Variants in GRAMD4 observed in about 807,000 individuals in gnomAD.
GRAMD4 encodes GRAM domain-containing protein 4.
In GRAMD4, 25 loss-of-function variants were observed where a neutral mutation model predicts 83.9. The ratio of observed to expected loss-of-function variants is 0.30; its 90% confidence interval spans 0.22 to 0.42. GRAMD4 has a LOEUF of 0.42. Ranked by LOEUF, GRAMD4 falls within the 10% of genes least tolerant of loss-of-function variation. The pLI is 1.00. For synonymous variants in GRAMD4, 336 were observed against 320.9 expected (o/e 1.05, Z -0.50); for missense variants, 593 against 788.7 (o/e 0.75, Z 2.97).
At chr22:46,586,752 G>A (rs1404457013) in intron 1 of GRAMD4, among the ~76,000 whole-genome samples, 1 of 152,240 alleles carries the variant, frequency 6.6e-6, no homozygotes, top group African/African-American at 2.4e-5. Flanking sequence ...GCTGGGGAAA[G>A]CGGCCCTGGG....
At chr22:46,658,806 G>A (rs12159503) in intron 4 of GRAMD4, among the ~76,000 whole-genome samples, 12,535 of 88,746 alleles carry the variant, frequency 0.14, 525 homozygotes, top group African/African-American at 0.26. Flanking sequence ...TGTGGCCCCC[G>A]CCCCCCTGCC....
chr22:46,637,775 A>C, intron 2 of GRAMD4, 65 bp from the exon 3 acceptor site: 2 of 1,573,996 alleles, frequency 1.3e-6, no homozygotes, highest in South Asian at 1.1e-5. Context: ...CTCTGGGGGA[A>C]CTGAGTGGTG....
downstream of GRAMD4, among the ~76,000 whole-genome samples, chr22:46,680,949 C>G (rs1174982104): frequency 2.8e-4 from 39 of 138,300 alleles, no homozygotes; most frequent in Non-Finnish European, 4.5e-4. Context: ...CACCCACCCA[C>G]CCAGCCAGCC....
Position 46,672,653 on chromosome 22 carries a change from C to T in GRAMD4, c.1085-190C>T, listed in dbSNP as rs1027298104. Reference sequence around the variant, plus strand: ...CGCCTGGGGTTGAGACTGTGCAGCACGAATGGGCCCCAGGGGAGCGAGGCT... The same window carrying T: ...CGCCTGGGGTTGAGACTGTGCAGCATGAATGGGCCCCAGGGGAGCGAGGCT... On this transcript the variant is annotated intron_variant, in intron 13 of 18. Transcript: ENST00000406902. This position sits in a 1 kb window ranked among gnomAD's most constrained non-coding sequence, Gnocchi z 4.7. 2.0e-5 allele frequency among the ~76,000 whole-genome samples: 3 copies of T among 151,626 alleles called. No homozygotes were observed. The highest frequency in any genetic ancestry group is 2.9e-5 in the Non-Finnish European group (2 of 67,920).
chr22:46,591,300 G>A (rs1290859853), intron 1 of GRAMD4, among the ~76,000 whole-genome samples: 2 of 151,748 alleles, frequency 1.3e-5, no homozygotes, highest in African/African-American at 4.8e-5. Flanking sequence ...GGAGGATTGC[G>A]TGAGCTCAGG....
intron 1 of GRAMD4, among the ~76,000 whole-genome samples, chr22:46,603,508 C>CGCTAA (rs1201887483): frequency 5.1e-4 from 29 of 56,734 alleles, no homozygotes; most frequent in Admixed American, 2.0e-3. Context: ...CGCGCCCGGC[C>CGCTAA]TCTTCTCTTT....
chr22:46,584,498 C>T (rs944765478), intron 1 of GRAMD4, among the ~76,000 whole-genome samples: 10 of 152,118 alleles, frequency 6.6e-5, no homozygotes, highest in Non-Finnish European at 1.2e-4. Flanking sequence ...CAGATCAATT[C>T]GTGTCTATTC....
At chr22:46,633,758 A>G (rs1473726803) in intron 2 of GRAMD4, among the ~76,000 whole-genome samples, 1 of 152,078 alleles carries the variant, frequency 6.6e-6, no homozygotes, top group Non-Finnish European at 1.5e-5. Flanking sequence ...GGCAACCCCT[A>G]GTTCCGAGCA....
upstream of GRAMD4, among the ~76,000 whole-genome samples, chr22:46,618,351 A>T (rs2081530367): frequency 6.6e-6 from 1 of 152,136 alleles, no homozygotes; most frequent in African/African-American, 2.4e-5. The surrounding 1 kb of genome is among the most constrained non-coding windows in gnomAD (Gnocchi z 5.8). Flanking sequence ...AGGGCAATCC[A>T]AGGACCCCAC....
intron 3 of GRAMD4, among the ~76,000 whole-genome samples, chr22:46,644,697 G>GTTTTTTTTT (rs71192437): frequency 2.1e-5 from 2 of 97,336 alleles, no homozygotes; most frequent in African/African-American, 8.0e-5. Context: ...CTTGTTCCCT[G>GTTTTTTTTT]TTTTTTTTTT....
chr22:46,622,098 A>G lies in GRAMD4; in HGVS notation c.-50+1533A>G, dbSNP rs564217516. On this transcript the variant is annotated intron_variant, in intron 1 of 18. Coordinates refer to ENST00000406902, the MANE Select transcript of GRAMD4 (RefSeq NM_015124.5). The surrounding 1 kb of genome is among the most constrained non-coding windows in gnomAD (Gnocchi z 4.0). ...CTGGCGGGGCACGCATTGCATTCTG[A>G]TGGTGACAGGCGGGACACTCAGGGC... Among the ~76,000 whole-genome samples the G allele has an allele frequency of 6.6e-6, 1 of 152,242 alleles. No individual in the cohort carries two copies. The highest frequency in any genetic ancestry group is 6.5e-5 in the Admixed American group (1 of 15,298).
Position 46,648,947 on chromosome 22 carries a change from G to GATGGATGGATGGATGGATGC in GRAMD4, c.284-9221_284-9220insCATGGATGGATGGATGGATG, listed in dbSNP as rs1569288698. On this transcript the variant is annotated intron_variant, in intron 3 of 18. Transcript: ENST00000406902. ...GGATGGATGGATGCATGGATGGATG[G>GATGGATGGATGGATGGATGC]ATGGATGGATGGATGGATGGATGGA... 1.9e-4 allele frequency among the ~76,000 whole-genome samples: 15 copies of GATGGATGGATGGATGGATGC among 80,260 alleles called. 1 individual carries two copies. Among genetic ancestry groups the GATGGATGGATGGATGGATGC allele is most frequent in the African/African-American group, 6.9e-4 (15 of 21,696 alleles). The allele number at this position is 80,260 out of a possible 152,430, so 52.7% of individuals were successfully genotyped here. A position where few individuals can be genotyped will look rare whatever the true frequency, so the allele number is the denominator to read the frequency against.
chr22:46,678,375 T>C lies in GRAMD4; in HGVS notation c.*1124T>C. 1.0e-6 allele frequency: 1 copy of C among 984,434 alleles called. No homozygotes were observed. The highest frequency in any genetic ancestry group is 1.2e-6 in the Non-Finnish European group (1 of 829,262). 61.0% of individuals were successfully genotyped at this position (984,434 alleles called of 1,614,324 possible). A position where few individuals can be genotyped will look rare whatever the true frequency, so the allele number is the denominator to read the frequency against. ...TTCCCTCCCCCGCGTGCCTAGCCGG[T>C]GCCGGTCCGGGCACAGACCCCCCCA... On this transcript the variant is annotated 3_prime_UTR_variant, in exon 19 of 19. Coordinates refer to ENST00000406902, the MANE Select transcript of GRAMD4 (RefSeq NM_015124.5).
At chr22:46,627,149 G>A (rs1271261149) in intron 2 of GRAMD4, among the ~76,000 whole-genome samples, 188 bp downstream of exon 2, 4 of 152,196 alleles carry the variant, frequency 2.6e-5, no homozygotes, top group East Asian at 3.9e-4. Flanking sequence ...CTGCCACGCC[G>A]AGCCTTCTGT....
chr22:46,633,076 A>C (rs1030694158), intron 2 of GRAMD4, among the ~76,000 whole-genome samples: 2 of 152,134 alleles, frequency 1.3e-5, no homozygotes, highest in African/African-American at 4.8e-5. Context: ...CTCTTCTCCA[A>C]CTCAGCCTCC....
intron 10 of GRAMD4, 31 bp from the exon 11 acceptor site, chr22:46,668,065 G>T (rs774347714): frequency 6.3e-5 from 94 of 1,500,292 alleles, no homozygotes; most frequent in Non-Finnish European, 8.3e-5. Context: ...TTAAATTTCA[G>T]TGGAAAATTC....
chr22:46,623,445 T>C (rs960169375), intron 1 of GRAMD4, among the ~76,000 whole-genome samples: 5 of 152,210 alleles, frequency 3.3e-5, no homozygotes, highest in Non-Finnish European at 7.3e-5. Context: ...TGCAGTGCAG[T>C]GGTGCAGTCT....
Position 46,663,124 on chromosome 22 carries a change from A to G in GRAMD4, c.551A>G (p.Gln184Arg). 1 of 1,612,494 alleles carries G rather than the reference A, an allele frequency of 6.2e-7. No homozygotes were observed. The highest frequency in any genetic ancestry group is 8.5e-7 in the Non-Finnish European group (1 of 1,179,658). The change falls in exon 6 of 19, where the codon CAG (glutamine) becomes CGG (arginine). Residue 184 changes from glutamine (Q) to arginine (R), a missense_variant. Around this residue, in one of 4 missense-constraint regions of GRAMD4, gnomAD observed 312 missense variants for 350.7 expected, o/e 0.89. Transcript: ENST00000406902. ...FGEYVEDFRF[Q>R]PEENTVETEE... ...GAGTACGTGGAGGACTTCCGGTTCC[A>G]GCCCGAGGAGAACACTGTGGAGACA...
At position 46,658,612 on chromosome 22, in the gene GRAMD4, T is replaced by C. The variant is rs73469181; in HGVS notation, c.404+305T>C. On this transcript the variant is annotated intron_variant, in intron 4 of 18. Transcript: ENST00000406902. ...AGGCCAACTGAAGAGAGGCTTGGCA[T>C]GGGGCCTGCAGAGCCCCAGAGCCAC... 8.1e-3 allele frequency among the ~76,000 whole-genome samples: 1,235 copies of C among 152,176 alleles called. 18 individuals carry two copies. Among genetic ancestry groups the C allele is most frequent in the African/African-American group, 0.029 (1,194 of 41,520 alleles).
Sources: allele counts gnomAD v4.1 joint callset (sites outside exome capture counted in the v4.1 genomes callset), GRCh38; gene constraint gnomAD v4.1.1; regional missense constraint gnomAD v4.1.1; non-coding constraint Gnocchi (gnomAD v3.1); transcripts MANE v1.5; gene names NCBI Gene and HGNC (gene_info 2026-07-23, HGNC 2026-07-21).